DNAAF9: variants seen among roughly 807,000 people sequenced by gnomAD.
DNAAF9 encodes the protein shulin.
A neutral mutation model predicts 167.0 loss-of-function variants in DNAAF9; 90 were observed. The ratio of observed to expected loss-of-function variants is 0.54; its 90% CI spans 0.45 to 0.64. The LOEUF is 0.64. DNAAF9 is among the 30% of genes least tolerant of loss of function. The probability of loss-of-function intolerance (pLI) is 0.00; values close to 1 mark genes in which losing one functional copy is unlikely to be tolerated. For synonymous variants in DNAAF9, 491 were observed against 508.8 expected, an observed-to-expected ratio of 0.96 and a Z score of 0.47; for missense variants, 1,315 against 1,442.2, an observed-to-expected ratio of 0.91 and a Z score of 1.43.
chr20:3,332,895 CGTGTGGTGTGTGTGTGT>C (rs1568610213), intron 10 of DNAAF9, among the ~76,000 whole-genome samples: 1 of 129,838 alleles, frequency 7.7e-6, no homozygotes, highest in East Asian at 2.3e-4. Context: ...TGCGTGTGTG[CGTGTGGTGTGTGTGTGT>C]GTGTGTGTGT....
chr20:3,269,727 G>A (rs1459830357), intron 30 of DNAAF9, among the ~76,000 whole-genome samples: 2 of 152,092 alleles, frequency 1.3e-5, no homozygotes, highest in East Asian at 3.9e-4. Context: ...GGCCGAGGCA[G>A]GCGGAACACA....
At chr20:3,348,915 G>T (rs2023239986) in intron 7 of DNAAF9, among the ~76,000 whole-genome samples, 2 of 152,132 alleles carry the variant, frequency 1.3e-5, no homozygotes, top group African/African-American at 4.8e-5. Context: ...GTTGCCTGGG[G>T]TTGGGATGGA....
At chr20:3,330,783 G>A (rs886563835) in intron 11 of DNAAF9, 101 bp from the exon 12 acceptor site, 18 of 554,632 alleles carry the variant, frequency 3.2e-5, no homozygotes, top group Admixed American at 7.6e-5. Context: ...GCATTGTCAA[G>A]AACTACACTT....
chr20:3,395,906 C>G (rs1359787010), intron 1 of DNAAF9, among the ~76,000 whole-genome samples: 1 of 152,084 alleles, frequency 6.6e-6, no homozygotes, highest in African/African-American at 2.4e-5. Flanking sequence ...ATTGTAACTC[C>G]CATAATTCCC....
intron 16 of DNAAF9, among the ~76,000 whole-genome samples, chr20:3,319,361 T>C (rs934842067): frequency 6.7e-6 from 1 of 149,806 alleles, no homozygotes; most frequent in Non-Finnish European, 1.5e-5. Context: ...GAAACAAAAT[T>C]AGAACAACTC....
At chr20:3,270,293 C>A (rs1357416735) in intron 30 of DNAAF9, 134 bp downstream of exon 30, 15 of 764,796 alleles carry the variant, frequency 2.0e-5, no homozygotes, top group Admixed American at 1.5e-4. Flanking sequence ...TAGGTGCGTG[C>A]CACCGCACCT....
intron 17 of DNAAF9, 119 bp downstream of exon 17, chr20:3,318,170 A>T (rs2069542113): frequency 1.9e-6 from 1 of 532,824 alleles, no homozygotes; most frequent in Admixed American, 3.1e-5. Flanking sequence ...TGCTGTGATC[A>T]TCAGTTCTAA....
chr20:3,260,564 T>G (rs1219902612), intron 31 of DNAAF9, among the ~76,000 whole-genome samples: 1 of 151,710 alleles, frequency 6.6e-6, no homozygotes, highest in East Asian at 1.9e-4. Context: ...AGCCTCCCAG[T>G]CCCCATCTGA....
chr20:3,349,076 A>G (rs2070254894), intron 7 of DNAAF9, among the ~76,000 whole-genome samples: 3 of 151,582 alleles, frequency 2.0e-5, no homozygotes, highest in Admixed American at 2.0e-4. Context: ...AAGGATAGCT[A>G]GGAGCAGTGG....
chr20:3,382,861 AT>A (rs2083679580), intron 1 of DNAAF9, among the ~76,000 whole-genome samples: 1 of 152,146 alleles, frequency 6.6e-6, no homozygotes, highest in African/African-American at 2.4e-5. Flanking sequence ...TGTTTTGAAG[AT>A]TTTTCAAATA....
At chr20:3,269,388 T>A (rs927169903) in intron 30 of DNAAF9, among the ~76,000 whole-genome samples, 1 of 151,940 alleles carries the variant, frequency 6.6e-6, no homozygotes, top group Non-Finnish European at 1.5e-5. Flanking sequence ...TTTAAAAAAC[T>A]GTTTTGGTAG....
chr20:3,391,248 A>G (rs1169703298), intron 1 of DNAAF9, among the ~76,000 whole-genome samples: 6 of 152,200 alleles, frequency 3.9e-5, no homozygotes, highest in African/African-American at 1.4e-4. Flanking sequence ...TTTAATTATT[A>G]ACCAGAAGAT....
chr20:3,286,503 C>A (rs2122885401), intron 27 of DNAAF9, among the ~76,000 whole-genome samples: 1 of 152,218 alleles, frequency 6.6e-6, no homozygotes, highest in South Asian at 2.1e-4. Context: ...GGAGGTGGGC[C>A]AACCCATTCC....
intron 7 of DNAAF9, 43 bp from the exon 8 acceptor site, chr20:3,348,666 G>T: frequency 8.2e-7 from 1 of 1,225,070 alleles, no homozygotes; most frequent in Non-Finnish European, 1.2e-6. Context: ...GTCATATAAA[G>T]GAGGTATTTT....
chr20:3,407,426 G>T, intron 1 of DNAAF9, 49 bp downstream of exon 1: 2 of 1,262,824 alleles, frequency 1.6e-6, no homozygotes, highest in Non-Finnish European at 2.0e-6. Context: ...GACCCCGACA[G>T]CCCGCATCCC....
rs1236263757 is a variant in DNAAF9 at position 3,381,406 on chromosome 20, T to C, written c.256A>G (p.Thr86Ala). 6.2e-7 allele frequency: 1 copy of C among 1,612,432 alleles called. No homozygotes were observed. The highest frequency in any genetic ancestry group is 1.1e-5 in the South Asian group (1 of 91,030). Residue 86 changes from threonine (T) to alanine (A), a missense_variant, in exon 3 of 37, where the codon ACG (threonine) becomes GCG (alanine). By Grantham distance (58) the Thr-to-Ala change is moderately conservative. This residue lies in a region of DNAAF9 where 981 missense variants were observed against 1,012.5 expected (regional missense o/e 0.97). Coordinates refer to ENST00000252032, the MANE Select transcript of DNAAF9 (RefSeq NM_001009984.3). The part of the protein sequence containing the change: ...YNQNTSDFEK[T>A]GFSEEVLDDV... ...TCTAGTACTTCTTCAGAAAATCCCGTTTTCTCAAAATCACTGGTATTCTGA... is the reference window on the plus strand; with the variant it reads ...TCTAGTACTTCTTCAGAAAATCCCGCTTTCTCAAAATCACTGGTATTCTGA...
rs370067188 is a variant in DNAAF9 at position 3,381,494 on chromosome 20, G to A, written c.168C>T (p.Ile56=). The A allele has an allele frequency of 4.9e-5, 79 of 1,613,326 alleles. No homozygotes were observed. The African/African-American group carries it at 7.1e-4, about 14-fold the overall frequency. ...TGCAGCCTTCATTGTACCTGCTATC[G>A]ATTCCTGCAAGGCAAAGGAGGCTCT... ...RPDGILCILG[I]DSRYNEGCRE... Residue 56 remains isoleucine (I), a synonymous_variant, in exon 3 of 37, where the codon ATC becomes ATT. Transcript: ENST00000252032.
intron 3 of DNAAF9, among the ~76,000 whole-genome samples, chr20:3,377,472 T>C (rs2083591077): frequency 6.6e-6 from 1 of 152,008 alleles, no homozygotes; most frequent in African/African-American, 2.4e-5. Flanking sequence ...TTCTTTCTTT[T>C]TTTTTTTTTG....
Sources: allele counts gnomAD v4.1 joint callset (sites outside exome capture counted in the v4.1 genomes callset), GRCh38; gene constraint gnomAD v4.1.1; regional missense constraint gnomAD v4.1.1; transcripts MANE v1.5; gene names NCBI Gene and HGNC (gene_info 2026-07-23, HGNC 2026-07-21).